NPAS2: variants seen among roughly 807,000 people sequenced by gnomAD.
The protein encoded by NPAS2 is neuronal PAS domain-containing protein 2.
In NPAS2, 23 loss-of-function variants were observed where a neutral mutation model predicts 107.5. That is an observed-to-expected ratio of 0.21 (90% confidence interval 0.15 to 0.30). The LOEUF is 0.30. Ranked by LOEUF, NPAS2 falls within the 10% of genes least tolerant of loss-of-function variation. The pLI is 1.00. For missense variants in NPAS2, 756 were observed against 1,043.3 expected (o/e 0.72, Z 3.79); for synonymous variants, 403 against 417.5 (o/e 0.97, Z 0.42).
In NPAS2 at chr2:100,974,823, A is replaced by G. The variant is rs779822835; in HGVS notation, c.1161A>G (p.Glu387=). 2 of 1,613,922 alleles carry G rather than the reference A, an allele frequency of 1.2e-6. No individual in the cohort carries two copies. The highest frequency in any genetic ancestry group is 2.7e-5 in the African/African-American group (2 of 74,910). Residue 387 remains glutamate (E), a synonymous_variant, in exon 13 of 21, where the codon GAA becomes GAG. Coordinates refer to ENST00000335681, the MANE Select transcript of NPAS2 (RefSeq NM_002518.4). ...TTCAGGACAAGGGCTCAAGCCTGGA[A>G]CCTCGGCAGCACTTTAACACACTCG... The part of the protein sequence containing the change: ...SALKDKGSSL[E]PRQHFNTLDV...
intron 1 of NPAS2, among the ~76,000 whole-genome samples, chr2:100,834,361 A>T (rs1414731919): frequency 6.6e-6 from 1 of 152,194 alleles, no homozygotes; most frequent in Non-Finnish European, 1.5e-5. Context: ...CTCTGCCGTG[A>T]GTAGCATAAG....
intron 1 of NPAS2, among the ~76,000 whole-genome samples, chr2:100,830,218 G>T (rs904318692): frequency 6.6e-6 from 1 of 152,166 alleles, no homozygotes; most frequent in African/African-American, 2.4e-5. Flanking sequence ...ACGAAGAAAT[G>T]AGAATGCCTC....
intron 1 of NPAS2, among the ~76,000 whole-genome samples, chr2:100,857,531 G>GT (rs1365388607): frequency 1.3e-5 from 2 of 152,122 alleles, no homozygotes; most frequent in Non-Finnish European, 2.9e-5. Flanking sequence ...CCATATTTAG[G>GT]AACAGGCCAG....
chr2:100,974,818 C>G lies in NPAS2; in HGVS notation c.1156C>G (p.Leu386Val). The G allele has an allele frequency of 6.2e-7, 1 of 1,614,060 alleles. No individual in the cohort carries two copies. The highest frequency in any genetic ancestry group is 8.5e-7 in the Non-Finnish European group (1 of 1,179,956). Residue 386 changes from leucine to valine, a missense_variant, in exon 13 of 21, where the codon CTG becomes GTG. Physicochemically the swap from Leu to Val is conservative, Grantham distance 32. Around this residue, in one of 4 missense-constraint regions of NPAS2, gnomAD observed 496 missense variants for 594.4 expected, o/e 0.83. Transcript: ENST00000335681. Reference protein sequence around the residue: ...SSALKDKGSSLEPRQHFNTLD... With the variant: ...SSALKDKGSSVEPRQHFNTLD... ...TGTGTTTCAGGACAAGGGCTCAAGC[C>G]TGGAACCTCGGCAGCACTTTAACAC... is the stretch of plus-strand genomic sequence containing the variant.
chr2:100,912,312 C>A (rs1171423074), intron 2 of NPAS2, among the ~76,000 whole-genome samples: 1 of 151,874 alleles, frequency 6.6e-6, no homozygotes, highest in African/African-American at 2.4e-5. Flanking sequence ...TAGTGCTGCA[C>A]CCTTTTCAGT....
At chr2:100,960,905 CAG>C (rs1432098520) in intron 7 of NPAS2, among the ~76,000 whole-genome samples, 1 of 152,112 alleles carries the variant, frequency 6.6e-6, no homozygotes, top group Non-Finnish European at 1.5e-5. Flanking sequence ...GAGGTGGAGA[CAG>C]AGAATGAGCC....
intron 20 of NPAS2, chr2:100,994,918 T>A (rs757160032): frequency 1.3e-5 from 2 of 155,034 alleles, no homozygotes; most frequent in Non-Finnish European, 2.9e-5. Flanking sequence ...CAGTCAAAGC[T>A]TCTAAACTTC....
At chr2:100,850,844 T>G (rs1000152629) in intron 1 of NPAS2, among the ~76,000 whole-genome samples, 3 of 147,200 alleles carry the variant, frequency 2.0e-5, no homozygotes, top group East Asian at 2.0e-4. Context: ...TCCCAGCTAC[T>G]CAGGAGGCTG....
At chr2:100,975,373 G>A in intron 13 of NPAS2, 85 bp from the exon 14 acceptor site, 1 of 1,201,642 alleles carries the variant, frequency 8.3e-7, no homozygotes, top group Non-Finnish European at 1.2e-6. Flanking sequence ...CTTGTACTGT[G>A]CACACCACGG....
intron 13 of NPAS2, 119 bp from the exon 14 acceptor site, chr2:100,975,339 T>C: frequency 1.1e-6 from 1 of 892,358 alleles, no homozygotes. Context: ...GTGGACTTCC[T>C]TTATCAGAGA....
At chr2:100,948,403 G>T in intron 6 of NPAS2, 48 bp downstream of exon 6, 2 of 1,544,826 alleles carry the variant, frequency 1.3e-6, no homozygotes, top group Non-Finnish European at 8.7e-7. Context: ...TAAGAATTTT[G>T]CTTTTGAAAG....
chr2:100,971,356 C>A (rs577509028), intron 12 of NPAS2, among the ~76,000 whole-genome samples: 31 of 150,912 alleles, frequency 2.1e-4, no homozygotes, highest in Non-Finnish European at 3.7e-4. Context: ...CCCCTGGACT[C>A]AAAGCACGGC....
chr2:100,917,827 C>T (rs974261202), intron 2 of NPAS2, among the ~76,000 whole-genome samples: 1 of 152,160 alleles, frequency 6.6e-6, no homozygotes, highest in African/African-American at 2.4e-5. Context: ...AACAGGAAAT[C>T]TCCAGACCCA....
chr2:100,956,863 G>A (rs2105102449), intron 7 of NPAS2, among the ~76,000 whole-genome samples: 1 of 152,350 alleles, frequency 6.6e-6, no homozygotes, highest in African/African-American at 2.4e-5. Flanking sequence ...GAGTTCGTAG[G>A]AATTTGAGGG....
At chr2:100,894,445 G>A (rs1057042043) in intron 1 of NPAS2, among the ~76,000 whole-genome samples, 6 of 152,070 alleles carry the variant, frequency 3.9e-5, no homozygotes, top group Admixed American at 1.3e-4. Context: ...TTTTATTGAC[G>A]TGATTTCAAT....
chr2:100,844,019 A>G (rs1677613024), intron 1 of NPAS2, among the ~76,000 whole-genome samples: 1 of 152,178 alleles, frequency 6.6e-6, no homozygotes, highest in African/African-American at 2.4e-5. Context: ...GGTGGTGAAG[A>G]TGCCCACCCT....
intron 10 of NPAS2, among the ~76,000 whole-genome samples, chr2:100,966,585 CTTTTTT>C (rs765292891): frequency 1.7e-5 from 2 of 120,340 alleles, no homozygotes; most frequent in South Asian, 5.9e-4. Context: ...CCCATTAGAA[CTTTTTT>C]TTTTTTTTTT....
chr2:100,958,881 C>T (rs1675738224), intron 7 of NPAS2, among the ~76,000 whole-genome samples: 1 of 152,048 alleles, frequency 6.6e-6, no homozygotes, highest in African/African-American at 2.4e-5. Context: ...TAAAAATACT[C>T]ATTTTAATTA....
In NPAS2 at chr2:100,934,782, T is replaced by C. The variant is rs138993720; in HGVS notation, c.273+1781T>C. The C allele has an allele frequency of 1.3e-4, 133 of 985,406 alleles. 1 individual carries two copies. In the East Asian group the frequency reaches 1.0e-2, roughly 74 times the overall value. 61.0% of individuals were successfully genotyped at this position (985,406 alleles called of 1,614,324 possible). A position where few individuals can be genotyped will look rare whatever the true frequency, so the allele number is the denominator to read the frequency against. ...TGGGGGAGATGGGGAGCTCCCACGG[T>C]GATGTCACCATTGTCCAGTGCAACC... On this transcript the variant is annotated intron_variant, in intron 4 of 20. Transcript: ENST00000335681.
Sources: allele counts gnomAD v4.1 joint callset (sites outside exome capture counted in the v4.1 genomes callset), GRCh38; gene constraint gnomAD v4.1.1; regional missense constraint gnomAD v4.1.1; transcripts MANE v1.5; gene names NCBI Gene and HGNC (gene_info 2026-07-23, HGNC 2026-07-21).